The following TBCD variants were observed in gnomAD, a reference collection of about 807,000 sequenced individuals.
TBCD encodes tubulin-specific chaperone D.
Under a neutral mutation model 169.3 loss-of-function variants are expected in TBCD, and 105 were observed. That is an observed-to-expected ratio of 0.62 (90% CI 0.53 to 0.73). The LOEUF (loss-of-function observed/expected upper bound fraction) is 0.73, where lower values mean the gene tolerates loss of function less well. Ranked by LOEUF, TBCD falls within the 30% of genes least tolerant of loss-of-function variation. The pLI, the probability that TBCD is intolerant of heterozygous loss-of-function variation, is 0.00. For synonymous variants in TBCD, 700 were observed against 643.9 expected (o/e 1.09, Z -1.32); for missense variants, 1,444 against 1,600.1 (o/e 0.90, Z 1.66).
intron 2 of TBCD, among the ~76,000 whole-genome samples, chr17:82,759,600 G>T (rs1303647257): frequency 6.6e-6 from 1 of 152,196 alleles, no homozygotes. Context: ...TGGGATGACA[G>T]GTGTGAGCCA....
At chr17:82,904,439 A>G (rs1211381782) in intron 19 of TBCD, among the ~76,000 whole-genome samples, 1 of 152,234 alleles carries the variant, frequency 6.6e-6, no homozygotes, top group Non-Finnish European at 1.5e-5. Flanking sequence ...GGCAGCGTGT[A>G]TAGAAAGAAA....
In TBCD at chr17:82,806,576, T is replaced by C. The variant is rs943458836; in HGVS notation, c.1087+565T>C. On this transcript the variant is annotated intron_variant, in intron 10 of 38. Coordinates refer to ENST00000355528, the MANE Select transcript of TBCD (RefSeq NM_005993.5). The surrounding 1 kb of genome is among the most constrained non-coding windows in gnomAD (Gnocchi z 5.1). ...TGCCGCGGTTGGATGAAGTCTTCCC[T>C]GGACCCAGGCAGGGCCTCTTCATGT... Among the ~76,000 whole-genome samples the C allele has an allele frequency of 1.6e-4, 25 of 152,124 alleles. No individual in the cohort carries two copies. Among genetic ancestry groups the C allele is most frequent in the Admixed American group, 3.3e-4 (5 of 15,276 alleles).
intron 6 of TBCD, among the ~76,000 whole-genome samples, chr17:82,780,156 T>C (rs7217740): frequency 2.9e-4 from 18 of 63,044 alleles, no homozygotes; most frequent in African/African-American, 4.9e-4. Context: ...GCGAGTTCCC[T>C]TGGCTCCCTT....
rs1321990630 is a variant in TBCD, at chr17:82,780,497, C to G, written c.639-1092C>G. Among the ~76,000 whole-genome samples, 3 of 151,774 alleles carry G rather than the reference C, an allele frequency of 2.0e-5. No individual in the cohort carries two copies. In the East Asian group the frequency reaches 5.9e-4, roughly 30 times the overall value. ...CTAATTAGCTGGGCATGGTGGCGTG[C>G]GCTTGTAGTCCCAGCTACTCGAGAG... On this transcript the variant is annotated intron_variant, in intron 6 of 38. Transcript: ENST00000355528.
intron 14 of TBCD, among the ~76,000 whole-genome samples, chr17:82,881,288 T>A (rs2146195206): frequency 6.6e-6 from 1 of 152,292 alleles, no homozygotes; most frequent in African/African-American, 2.4e-5. Context: ...CTCTAAAATG[T>A]GAGATAAACG....
At chr17:82,838,467 C>T (rs929002920) in intron 13 of TBCD, among the ~76,000 whole-genome samples, 4 of 152,138 alleles carry the variant, frequency 2.6e-5, no homozygotes, top group African/African-American at 9.7e-5. Flanking sequence ...CTGTAATGTT[C>T]CTTTTGGTGG....
intron 14 of TBCD, among the ~76,000 whole-genome samples, chr17:82,873,326 G>A (rs932275612): frequency 6.6e-6 from 1 of 152,180 alleles, no homozygotes; most frequent in South Asian, 2.1e-4. Context: ...GGCTGGCACA[G>A]GACATGGGGG....
At position 82,797,751 on chromosome 17, in the gene TBCD, TTTTA is replaced by T. The variant is rs1358092074; in HGVS notation, c.772-5_772-2del. 6.4e-7 allele frequency: 1 copy of T among 1,566,672 alleles called. No individual in the cohort carries two copies. Among genetic ancestry groups the T allele is most frequent in the Non-Finnish European group, 8.6e-7 (1 of 1,162,138 alleles). On this transcript the variant is annotated splice_acceptor_variant and splice_polypyrimidine_tract_variant and intron_variant, in intron 7 of 38. Transcript: ENST00000355528. LOFTEE classifies it high-confidence loss of function. ...TAACATTAAAAATCTTTTTTTTTTT[TTTTA>T]GGCACAAATATTTAAACATGGAAAA...
Position 82,752,283 on chromosome 17 carries a change from C to T in TBCD, c.90C>T (p.Phe30=). The change falls in exon 1 of 39, where the codon TTC becomes TTT. Residue 30 remains phenylalanine, a synonymous_variant. Coordinates refer to ENST00000355528, the MANE Select transcript of TBCD (RefSeq NM_005993.5). ...CCTTTGGCGCGGCGCTGGAAGCGTTCGGCGAGAGCGCGGAGACCCGGGCGC... is the reference window on the plus strand; with the variant it reads ...CCTTTGGCGCGGCGCTGGAAGCGTTTGGCGAGAGCGCGGAGACCCGGGCGC... ...TLAFGAALEA[F]GESAETRALL... The T allele has an allele frequency of 6.6e-7, 1 of 1,513,494 alleles. No homozygotes were observed. The highest frequency in any genetic ancestry group is 8.8e-7 in the Non-Finnish European group (1 of 1,137,044). 93.8% of individuals were successfully genotyped at this position (1,513,494 alleles called of 1,614,324 possible).
At chr17:82,799,420 C>A (rs111537660) in intron 8 of TBCD, among the ~76,000 whole-genome samples, 3,284 of 121,374 alleles carry the variant, frequency 0.027, 157 homozygotes, top group African/African-American at 0.092. Flanking sequence ...TCTAGCCTGG[C>A]GACAGAGCAA....
chr17:82,828,223 TTGAA>T (rs1249885222), intron 13 of TBCD, among the ~76,000 whole-genome samples: 31 of 126,186 alleles, frequency 2.5e-4, no homozygotes, highest in Admixed American at 1.1e-3. Context: ...ACCCACACGA[TTGAA>T]TGCGCCCCCC....
chr17:82,917,776 C>T (rs1368552274), intron 23 of TBCD, among the ~76,000 whole-genome samples: 1 of 152,202 alleles, frequency 6.6e-6, no homozygotes, highest in Admixed American at 6.5e-5. Context: ...TTTGGTCATC[C>T]TGGACTCCCG....
At position 82,939,392 on chromosome 17, in the gene TBCD, T is replaced by C; in HGVS notation, c.3395T>C (p.Val1132Ala). Residue 1132 changes from valine (V) to alanine (A), a missense_variant, in exon 37 of 39, where the codon GTG (valine) becomes GCG (alanine). Coordinates refer to ENST00000355528, the MANE Select transcript of TBCD (RefSeq NM_005993.5). The part of the protein sequence containing the change: ...PLIRKTTASQ[V>A]YETLLTYSDV... The stretch of plus-strand genomic sequence containing the variant: ...ATCCGGAAGACCACGGCCAGCCAGG[T>C]GTACGAGACATTGCTCACCTACAGT... 1 of 1,613,044 alleles carries C rather than the reference T, an allele frequency of 6.2e-7. No homozygotes were observed. The highest frequency in any genetic ancestry group is 1.3e-5 in the African/African-American group (1 of 75,038).
In TBCD at chr17:82,813,842, G is replaced by T. The variant is rs535853222; in HGVS notation, c.1224-998G>T. Among the ~76,000 whole-genome samples the T allele has an allele frequency of 2.0e-5, 3 of 152,326 alleles. No homozygotes were observed. The South Asian group carries it at 6.2e-4, about 32-fold the overall frequency. On this transcript the variant is annotated intron_variant, in intron 12 of 38. Transcript: ENST00000355528. ...GGTGACAGTGAGCTCTGAGGAGCCC[G>T]CTGGTGGACGCTGGTGTCTGTCTCA...
At chr17:82,921,012 C>T (rs1156551073) in intron 24 of TBCD, 3 of 272,264 alleles carry the variant, frequency 1.1e-5, no homozygotes, top group Non-Finnish European at 2.1e-5. Context: ...TCCTCAGCAG[C>T]CCCCCACACT....
chr17:82,932,341 T>G (rs1403155420), intron 33 of TBCD, among the ~76,000 whole-genome samples: 1 of 152,230 alleles, frequency 6.6e-6, no homozygotes, highest in Non-Finnish European at 1.5e-5. Context: ...TCCGCTGCAT[T>G]GCCGTTGCAG....
intron 13 of TBCD, among the ~76,000 whole-genome samples, chr17:82,868,230 C>T (rs1376380618): frequency 1.3e-5 from 2 of 152,154 alleles, no homozygotes; most frequent in Non-Finnish European, 1.5e-5. Context: ...GGCACCACAC[C>T]GGAGGACAGC....
intron 7 of TBCD, among the ~76,000 whole-genome samples, chr17:82,783,251 A>G (rs1343330012): frequency 6.6e-6 from 1 of 152,210 alleles, no homozygotes; most frequent in Non-Finnish European, 1.5e-5. Context: ...CAGACGTGTG[A>G]GAGAAAACTG....
In TBCD at chr17:82,797,798, C is replaced by T; in HGVS notation, c.813C>T (p.Pro271=). The T allele has an allele frequency of 6.4e-7, 1 of 1,574,568 alleles. No individual in the cohort carries two copies. The highest frequency in any genetic ancestry group is 8.6e-7 in the Non-Finnish European group (1 of 1,168,378). ...ATGGAAAACGTGAAGACTGTTTGCC[C>T]TATGGTAAGGTTTATTTTTAAGAGA... ...FKHGKREDCL[P]YAATVLRCLD... Residue 271 remains proline (P), a synonymous_variant, in exon 8 of 39, where the codon CCC becomes CCT. Coordinates refer to ENST00000355528, the MANE Select transcript of TBCD (RefSeq NM_005993.5).
Sources: allele counts gnomAD v4.1 joint callset (sites outside exome capture counted in the v4.1 genomes callset), GRCh38; gene constraint gnomAD v4.1.1; non-coding constraint Gnocchi (gnomAD v3.1); transcripts MANE v1.5; gene names NCBI Gene and HGNC (gene_info 2026-07-23, HGNC 2026-07-21).